FBXL7: variants seen among roughly 807,000 people sequenced by gnomAD.
FBXL7 encodes the protein F-box and leucine rich repeat protein 7, also known as F-box/LRR-repeat protein 7.
In FBXL7, 12 loss-of-function variants were observed where a neutral mutation model predicts 38.3. That is an observed-to-expected ratio of 0.31 (90% CI 0.20 to 0.51). The LOEUF (loss-of-function observed/expected upper bound fraction) is 0.51. Ranked by LOEUF, FBXL7 falls within the 20% of genes least tolerant of loss-of-function variation. FBXL7 has a pLI of 0.98. For synonymous variants in FBXL7, 297 were observed against 300.9 expected (o/e 0.99, Z 0.13); for missense variants, 567 against 676.4 (o/e 0.84, Z 1.79).
At chr5:15,735,964 T>C (rs574797192) in intron 2 of FBXL7, among the ~76,000 whole-genome samples, 1 of 152,314 alleles carries the variant, frequency 6.6e-6, no homozygotes, top group African/African-American at 2.4e-5. Context: ...GTGATATTTG[T>C]TAAAGCGAGA....
At chr5:15,802,224 T>C (rs1190217274) in intron 2 of FBXL7, among the ~76,000 whole-genome samples, 1 of 152,042 alleles carries the variant, frequency 6.6e-6, no homozygotes, top group Non-Finnish European at 1.5e-5. Flanking sequence ...CTCCCTCTAT[T>C]TCTCCCCTAA....
chr5:15,826,195 C>T (rs1317721647), intron 2 of FBXL7, among the ~76,000 whole-genome samples: 1 of 152,160 alleles, frequency 6.6e-6, no homozygotes, highest in Non-Finnish European at 1.5e-5. Flanking sequence ...TTTTCGAAGT[C>T]TTTATTTTCA....
intron 2 of FBXL7, among the ~76,000 whole-genome samples, chr5:15,636,215 A>G (rs751854744): frequency 7.2e-5 from 11 of 152,092 alleles, no homozygotes; most frequent in Non-Finnish European, 1.3e-4. Context: ...CTTCTAGAAC[A>G]CAATCTATTA....
At chr5:15,512,527 C>G (rs145483029) in intron 1 of FBXL7, among the ~76,000 whole-genome samples, 1 of 152,246 alleles carries the variant, frequency 6.6e-6, no homozygotes, top group East Asian at 1.9e-4. Context: ...TTTCTGGGAA[C>G]CTTTCTTAAA....
chr5:15,579,365 C>T (rs1318206438), intron 1 of FBXL7, among the ~76,000 whole-genome samples: 1 of 152,164 alleles, frequency 6.6e-6, no homozygotes, highest in East Asian at 1.9e-4. Flanking sequence ...ACCTGGGACG[C>T]CAGATGCTGC....
intron 2 of FBXL7, among the ~76,000 whole-genome samples, chr5:15,710,623 T>G (rs1273028923): frequency 6.6e-6 from 1 of 152,224 alleles, no homozygotes. Flanking sequence ...TGCATGCATT[T>G]TGTTTTGTGT....
At chr5:15,684,655 G>C (rs1455387305) in intron 2 of FBXL7, among the ~76,000 whole-genome samples, 2 of 152,170 alleles carry the variant, frequency 1.3e-5, no homozygotes, top group Non-Finnish European at 2.9e-5. Flanking sequence ...CAAAGGAGAA[G>C]AGTCAGAGTC....
At chr5:15,713,942 T>C (rs1193367672) in intron 2 of FBXL7, among the ~76,000 whole-genome samples, 2 of 152,212 alleles carry the variant, frequency 1.3e-5, no homozygotes, top group Non-Finnish European at 2.9e-5. Context: ...ATTTAACATA[T>C]TGTGATAGGC....
intron 2 of FBXL7, among the ~76,000 whole-genome samples, chr5:15,616,938 A>G (rs185889200): frequency 1.9e-3 from 288 of 152,294 alleles, no homozygotes; most frequent in African/African-American, 6.8e-3. Context: ...CTGCTTTCCT[A>G]AAGTCTGTGG....
At chr5:15,903,120 C>T (rs1394267231) in intron 2 of FBXL7, among the ~76,000 whole-genome samples, 2 of 152,230 alleles carry the variant, frequency 1.3e-5, no homozygotes, top group South Asian at 2.1e-4. Context: ...GAGGCCATTT[C>T]AAAGTCGATA....
At chr5:15,793,672 G>A (rs1389918582) in intron 2 of FBXL7, among the ~76,000 whole-genome samples, 3 of 152,192 alleles carry the variant, frequency 2.0e-5, no homozygotes, top group Admixed American at 6.5e-5. Flanking sequence ...GCACTGTATA[G>A]TAACTTAAGT....
chr5:15,517,987 CGTTGTT>C (rs772638017), intron 1 of FBXL7, among the ~76,000 whole-genome samples: 15 of 151,928 alleles, frequency 9.9e-5, no homozygotes, highest in African/African-American at 2.9e-4. Context: ...TGTTTGTTTT[CGTTGTT>C]GTTGTTGTTA....
intron 2 of FBXL7, among the ~76,000 whole-genome samples, chr5:15,679,454 T>C (rs1029439726): frequency 6.6e-6 from 1 of 152,210 alleles, no homozygotes; most frequent in African/African-American, 2.4e-5. Context: ...AGTTTGTTTA[T>C]TGACTAAGTT....
chr5:15,933,688 G>A lies in FBXL7; in HGVS notation c.740-2762G>A, dbSNP rs541452401. On this transcript the variant is annotated intron_variant, in intron 3 of 3. Transcript: ENST00000504595. ...CTTCCTGAAATTCTTTGACTTAGTA[G>A]CACGTGGTTTTTGAACCTCATTATT... is the stretch of plus-strand genomic sequence containing the variant. 1.2e-4 allele frequency among the ~76,000 whole-genome samples: 19 copies of A among 152,270 alleles called. No homozygotes were observed. The South Asian group carries it at 3.9e-3, about 32-fold the overall frequency.
chr5:15,818,305 C>T (rs996351032), intron 2 of FBXL7, among the ~76,000 whole-genome samples: 8 of 152,158 alleles, frequency 5.3e-5, no homozygotes, highest in Admixed American at 1.3e-4. Flanking sequence ...GAAAGGATCA[C>T]TTTAAACTAT....
At chr5:15,706,565 G>A (rs1043150749) in intron 2 of FBXL7, among the ~76,000 whole-genome samples, 1 of 152,166 alleles carries the variant, frequency 6.6e-6, no homozygotes, top group African/African-American at 2.4e-5. Flanking sequence ...AATGGAAGTG[G>A]TTCAGTTTGT....
intron 2 of FBXL7, among the ~76,000 whole-genome samples, chr5:15,914,147 G>A (rs1444229186): frequency 6.6e-6 from 1 of 152,194 alleles, no homozygotes; most frequent in Admixed American, 6.5e-5. Flanking sequence ...AGCACTTTGG[G>A]AGGCCGAGGC....
intron 1 of FBXL7, among the ~76,000 whole-genome samples, chr5:15,550,122 A>T (rs763484887): frequency 2.6e-5 from 4 of 152,214 alleles, no homozygotes; most frequent in Admixed American, 6.5e-5. Flanking sequence ...CCCAGGTTAC[A>T]CTTTTCTTTC....
chr5:15,705,142 T>G (rs1743641334), intron 2 of FBXL7, among the ~76,000 whole-genome samples: 1 of 152,288 alleles, frequency 6.6e-6, no homozygotes, highest in South Asian at 2.1e-4. Context: ...ACACAAAACT[T>G]CTTCCCAATT....
Sources: allele counts gnomAD v4.1 joint callset (sites outside exome capture counted in the v4.1 genomes callset), GRCh38; gene constraint gnomAD v4.1.1; transcripts MANE v1.5; gene names NCBI Gene and HGNC (gene_info 2026-07-23, HGNC 2026-07-21).